Variants in GNL2 observed in about 807,000 individuals in gnomAD.
The protein encoded by GNL2 is G protein nucleolar 2.
GNL2 carries 51 observed loss-of-function variants against 92.3 expected under a neutral mutation model. The ratio of observed to expected loss-of-function variants is 0.55; its 90% CI spans 0.44 to 0.70. The LOEUF (loss-of-function observed/expected upper bound fraction) is 0.70, where lower values mean the gene tolerates loss of function less well. Among genes scored for constraint, GNL2 ranks in the 30% least tolerant of loss-of-function variants. The pLI is 0.00. For missense variants in GNL2, 844 were observed against 895.6 expected (o/e 0.94, Z 0.74); for synonymous variants, 283 against 300.6 (o/e 0.94, Z 0.61).
chr1:37,568,998 C>A lies in GNL2; in HGVS notation c.1721G>T (p.Arg574Ile), dbSNP rs758968192. ...DEEEEEQEQQ[R>I]DDAEESSSEP... ...CGAGGAAGACTCTTCCGCATCATCT[C>A]TTTGTTGCTCCTGTTCCTCCTCCTC... Residue 574 changes from arginine (R) to isoleucine (I), a missense_variant, in exon 13 of 16, where the codon AGA (arginine) becomes ATA (isoleucine). Coordinates refer to ENST00000373062, the MANE Select transcript of GNL2 (RefSeq NM_013285.3). 1 of 1,614,208 alleles carries A rather than the reference C, an allele frequency of 6.2e-7. No individual in the cohort carries two copies. The highest frequency in any genetic ancestry group is 8.5e-7 in the Non-Finnish European group (1 of 1,180,022).
rs758808758 is a variant in GNL2 at position 37,587,423 on chromosome 1, G to T, written c.457C>A (p.Pro153Thr). 1 of 1,613,380 alleles carries T rather than the reference G, an allele frequency of 6.2e-7. No individual in the cohort carries two copies. The highest frequency in any genetic ancestry group is 1.1e-5 in the South Asian group (1 of 91,054). ...TGCATATCACTTGCAAATAAGTTTG[G>T]TCGTTTCCTCTGTGACTTAGGGCCA... ...TFGPKSQRKR[P>T]NLFASDMQSL... Residue 153 changes from proline (P) to threonine (T), a missense_variant, in exon 5 of 16, where the codon CCA (proline) becomes ACA (threonine). Transcript: ENST00000373062.
chr1:37,581,325 T>G (rs1172971578), intron 8 of GNL2: 1 of 455,546 alleles, frequency 2.2e-6, no homozygotes, highest in Admixed American at 2.4e-5. Flanking sequence ...AATAGACAAA[T>G]TCAAAATGAC....
intron 12 of GNL2, chr1:37,570,983 C>T (rs148572149): frequency 1.8e-3 from 273 of 152,128 alleles, no homozygotes; most frequent in African/African-American, 6.2e-3. Flanking sequence ...CAAGAGTGGC[C>T]GGGCAAATCA....
chr1:37,569,515 T>G (rs1643563423), intron 12 of GNL2: 2 of 528,042 alleles, frequency 3.8e-6, no homozygotes, highest in Non-Finnish European at 6.7e-6. Context: ...ACATGTGTAG[T>G]TCCACAGGAT....
chr1:37,574,343 C>G lies in GNL2; in HGVS notation c.1416G>C (p.Gln472His). Residue 472 changes from glutamine (Q) to histidine (H), a missense_variant and splice_region_variant, in exon 12 of 16, where the codon CAG becomes CAC. Gln to His is a conservative substitution (Grantham distance 24). Transcript: ENST00000373062. ...PPNAEPLVAP[Q>H]LLPSSSLEVV... ...AGAGGTGGGCCCACCCTGCTCTTAC[C>G]TGGGGGGCCACAAGTGGCTCTGCAT... is the stretch of plus-strand genomic sequence containing the variant. The G allele has an allele frequency of 6.2e-7, 1 of 1,610,980 alleles. No individual in the cohort carries two copies. Among genetic ancestry groups the G allele is most frequent in the Non-Finnish European group, 8.5e-7 (1 of 1,177,524 alleles).
At chr1:37,583,779 G>C (rs759507254) in intron 6 of GNL2, 88 bp downstream of exon 6, 4 of 813,746 alleles carry the variant, frequency 4.9e-6, no homozygotes, top group Non-Finnish European at 8.7e-6. Context: ...CTGCGCAACA[G>C]AGCTTCAATA....
At chr1:37,569,363 G>A (rs1643560902) in intron 12 of GNL2, 61 bp from the exon 13 acceptor site, 1 of 1,160,222 alleles carries the variant, frequency 8.6e-7, no homozygotes, top group Non-Finnish European at 1.2e-6. Context: ...TGGAATTTCT[G>A]AACTCATATC....
chr1:37,592,342 G>A lies in GNL2; in HGVS notation c.244+370C>T, dbSNP rs139169022. Among the ~76,000 whole-genome samples, 1,052 of 152,162 alleles carry A rather than the reference G, an allele frequency of 6.9e-3. 9 individuals carry two copies. The highest frequency in any genetic ancestry group is 0.024 in the African/African-American group (1,009 of 41,502). On this transcript the variant is annotated intron_variant, in intron 3 of 15. Coordinates refer to ENST00000373062, the MANE Select transcript of GNL2 (RefSeq NM_013285.3). ...TTAAGAAGTATTTCAGAGGAACTTC[G>A]GGCTAATGCACTTACCCTGAAGGAT...
intron 8 of GNL2, among the ~76,000 whole-genome samples, chr1:37,578,148 T>A (rs557051953): frequency 1.3e-5 from 2 of 151,982 alleles, no homozygotes; most frequent in Non-Finnish European, 2.9e-5. Context: ...AACAAAAAAT[T>A]TGGGTCCCAG....
In GNL2 at chr1:37,569,021, CTCT is replaced by C. The variant is rs779034528; in HGVS notation, c.1695_1697del (p.Glu569del). The C allele has an allele frequency of 2.8e-4, 447 of 1,614,174 alleles. 2 individuals carry two copies. Among genetic ancestry groups the C allele is most frequent in the Non-Finnish European group, 1.0e-4 (122 of 1,180,022 alleles). On this transcript the variant is annotated inframe_deletion, in exon 13 of 16. Coordinates refer to ENST00000373062, the MANE Select transcript of GNL2 (RefSeq NM_013285.3). Reference sequence around the variant, plus strand: ...CTCTTTGTTGCTCCTGTTCCTCCTCCTCTTCATCAGAAAAGCTCTCAAGCTCTT... The same window carrying C: ...CTCTTTGTTGCTCCTGTTCCTCCTCCTCATCAGAAAAGCTCTCAAGCTCTT...
rs200355645 is a variant in GNL2, at chr1:37,582,217, C to G, written c.909+6G>C. The G allele has an allele frequency of 1.3e-6, 2 of 1,580,228 alleles. No individual in the cohort carries two copies. The highest frequency in any genetic ancestry group is 4.5e-5 in the East Asian group (2 of 44,578). On this transcript the variant is annotated splice_donor_region_variant and intron_variant, in intron 8 of 15. Coordinates refer to ENST00000373062, the MANE Select transcript of GNL2 (RefSeq NM_013285.3). ...ACTCCAGGAGAAACAGATCAGGGCT[C>G]AATACCTTTCCAAACTGCCGCAGAA...
chr1:37,595,751 G>A lies in GNL2; in HGVS notation c.64+8C>T. On this transcript the variant is annotated splice_region_variant and intron_variant, in intron 1 of 15. Coordinates refer to ENST00000373062, the MANE Select transcript of GNL2 (RefSeq NM_013285.3). ...AGCTCCACCCTCGATCAGCCCTGCC[G>A]CCTGTACCTGGGTTTGTGCTGGCCT... 1 of 1,613,100 alleles carries A rather than the reference G, an allele frequency of 6.2e-7. No individual in the cohort carries two copies. The highest frequency in any genetic ancestry group is 8.5e-7 in the Non-Finnish European group (1 of 1,179,020).
chr1:37,572,753 AC>A (rs1230912899), intron 12 of GNL2, among the ~76,000 whole-genome samples: 1 of 151,992 alleles, frequency 6.6e-6, no homozygotes, highest in East Asian at 1.9e-4. Context: ...AAATTATCAA[AC>A]CCCAGAACCC....
chr1:37,595,609 C>G, intron 1 of GNL2, 150 bp downstream of exon 1: 1 of 704,458 alleles, frequency 1.4e-6, no homozygotes, highest in Non-Finnish European at 2.5e-6. Flanking sequence ...TATTGCTTTC[C>G]TTTTTCCCTT....
intron 13 of GNL2, 147 bp from the exon 14 acceptor site, chr1:37,568,504 G>A (rs919476833): frequency 1.6e-6 from 1 of 623,594 alleles, no homozygotes; most frequent in African/African-American, 1.8e-5. Context: ...CATCCAACAT[G>A]TTTGTACCTC....
rs760323803 is a variant in GNL2 at position 37,582,761 on chromosome 1, TTAG to T, written c.795+14_795+16del. On this transcript the variant is annotated intron_variant, in intron 7 of 15. Coordinates refer to ENST00000373062, the MANE Select transcript of GNL2 (RefSeq NM_013285.3). ...AGATGTCTTAATAGTCTATTCTGGT[TTAG>T]TAGTTGTACTTACTGTTGCCCAGGT... 15 of 1,596,618 alleles carry T rather than the reference TTAG, an allele frequency of 9.4e-6. No individual in the cohort carries two copies. In the African/African-American group the frequency reaches 2.0e-4, roughly 21 times the overall value.
chr1:37,593,666 G>A (rs1256764674), intron 2 of GNL2, 96 bp downstream of exon 2: 1 of 763,248 alleles, frequency 1.3e-6, no homozygotes, highest in Admixed American at 2.4e-5. Context: ...CCTATTTGGA[G>A]GAAGTGGGGG....
chr1:37,582,239 A>G lies in GNL2; in HGVS notation c.893T>C (p.Leu298Pro). The change falls in exon 8 of 16, where the codon CTG (leucine) becomes CCG (proline). Residue 298 changes from leucine (L) to proline (P), a missense_variant. Physicochemically the swap from Leu to Pro is moderately conservative, Grantham distance 98. Coordinates refer to ENST00000373062, the MANE Select transcript of GNL2 (RefSeq NM_013285.3). Reference sequence around the variant, plus strand: ...GCTCAATACCTTTCCAAACTGCCGCAGAAGCTGAATGAATGCTCCCTTGCC... The same window carrying G: ...GCTCAATACCTTTCCAAACTGCCGCGGAAGCTGAATGAATGCTCCCTTGCC... ...PFGKGAFIQL[L>P]RQFGKLHTDK... is the part of the protein sequence containing the mutation. The G allele has an allele frequency of 6.2e-7, 1 of 1,610,708 alleles. No homozygotes were observed. Among genetic ancestry groups the G allele is most frequent in the Non-Finnish European group, 8.5e-7 (1 of 1,177,832 alleles).
At chr1:37,592,500 T>C (rs1643893044) in intron 3 of GNL2, among the ~76,000 whole-genome samples, 1 of 152,190 alleles carries the variant, frequency 6.6e-6, no homozygotes, top group Non-Finnish European at 1.5e-5. Flanking sequence ...GAGGGTTCAA[T>C]TACAATTACT....
Sources: allele counts gnomAD v4.1 joint callset (sites outside exome capture counted in the v4.1 genomes callset), GRCh38; gene constraint gnomAD v4.1.1; transcripts MANE v1.5; gene names NCBI Gene and HGNC (gene_info 2026-07-23, HGNC 2026-07-21).